DNAH3: variants seen among roughly 807,000 people sequenced by gnomAD.
The protein encoded by DNAH3 is dynein axonemal heavy chain 3.
DNAH3 carries 332 observed loss-of-function variants against 432.5 expected under a neutral mutation model. The ratio of observed to expected loss-of-function variants is 0.77; its 90% CI spans 0.70 to 0.84. DNAH3 has a LOEUF of 0.84. DNAH3 is among the 40% of genes least tolerant of loss of function. The probability of loss-of-function intolerance (pLI) is 0.00; values close to 1 mark genes in which losing one functional copy is unlikely to be tolerated. For synonymous variants in DNAH3, 1,956 were observed against 1,900.2 expected (o/e 1.03, Z -0.76); for missense variants, 4,861 against 5,114.0 (o/e 0.95, Z 1.51).
At chr16:21,078,275 C>CAAAAAAAAAAAAAAAAA (rs1202846920) in intron 20 of DNAH3, among the ~76,000 whole-genome samples, 1 of 83,868 alleles carries the variant, frequency 1.2e-5, no homozygotes, top group Non-Finnish European at 2.3e-5. Context: ...AATTCCGTCT[C>CAAAAAAAAAAAAAAAAA]AAAAAAAAAA....
At chr16:21,119,289 G>A (rs2092280923) in intron 11 of DNAH3, among the ~76,000 whole-genome samples, 1 of 152,160 alleles carries the variant, frequency 6.6e-6, no homozygotes, top group Admixed American at 6.6e-5. Context: ...CTTTCAATGT[G>A]GTGGATTCTC....
At chr16:21,106,456 G>A (rs1347883666) in intron 15 of DNAH3, 34 bp downstream of exon 15, 22 of 1,504,808 alleles carry the variant, frequency 1.5e-5, no homozygotes, top group Admixed American at 1.8e-5. Flanking sequence ...ATATAGGTAT[G>A]CATTTCGATG....
At chr16:21,118,872 G>A (rs1178993993) in intron 11 of DNAH3, among the ~76,000 whole-genome samples, 1 of 152,182 alleles carries the variant, frequency 6.6e-6, no homozygotes, top group Non-Finnish European at 1.5e-5. Flanking sequence ...TCCTGCCTGG[G>A]ACCCATTGTC....
chr16:21,141,790 C>T (rs757905757), intron 3 of DNAH3, among the ~76,000 whole-genome samples: 1 of 152,234 alleles, frequency 6.6e-6, no homozygotes, highest in Non-Finnish European at 1.5e-5. Flanking sequence ...GTGGCTCATG[C>T]CTGTAATCCC....
chr16:21,131,709 C>T (rs2152821276), intron 7 of DNAH3, among the ~76,000 whole-genome samples: 1 of 151,866 alleles, frequency 6.6e-6, no homozygotes, highest in South Asian at 2.1e-4. Context: ...AAAAAATTAG[C>T]CAGGCATGGT....
chr16:20,978,512 G>C (rs1279028245), intron 50 of DNAH3, among the ~76,000 whole-genome samples: 1 of 152,140 alleles, frequency 6.6e-6, no homozygotes, highest in African/African-American at 2.4e-5. Context: ...CTCAGTAAGA[G>C]AGAGATTGCG....
chr16:20,940,712 G>C (rs531371999), intron 59 of DNAH3, among the ~76,000 whole-genome samples: 1 of 151,778 alleles, frequency 6.6e-6, no homozygotes, highest in Non-Finnish European at 1.5e-5. Flanking sequence ...AATTACAGGC[G>C]TTAGCCACTG....
rs371346889 is a variant in DNAH3 at position 20,963,257 on chromosome 16, G to A, written c.10600+27C>T. The A allele has an allele frequency of 2.1e-5, 33 of 1,598,688 alleles. No individual in the cohort carries two copies. The African/African-American group carries it at 2.1e-4, about 10-fold the overall frequency. On this transcript the variant is annotated intron_variant, in intron 53 of 61. Transcript: ENST00000261383. Reference sequence around the variant, plus strand: ...CACCCACACATACTGGGCTTTCCACGTCTCTCCCACAACACTCTGTTCTTA... The same window carrying A: ...CACCCACACATACTGGGCTTTCCACATCTCTCCCACAACACTCTGTTCTTA...
chr16:20,963,873 C>T (rs367808003), exon 53 of DNAH3: 53 of 1,613,984 alleles, frequency 3.3e-5, no homozygotes, highest in South Asian at 9.9e-5. Context: ...CCTCGCTCTT[C>T]GTGCTGTGGG....
exon 32 of DNAH3, chr16:21,042,070 T>C (rs753411292): frequency 6.2e-7 from 1 of 1,613,166 alleles, no homozygotes; most frequent in African/African-American, 1.3e-5. Context: ...ATACCCGGGG[T>C]TCATGGTGAT....
At chr16:21,063,285 A>T (rs141051423) in intron 24 of DNAH3, among the ~76,000 whole-genome samples, 2 of 151,962 alleles carry the variant, frequency 1.3e-5, no homozygotes, top group Non-Finnish European at 2.9e-5. Flanking sequence ...GTATTTTTTT[A>T]AATTTCAGGT....
intron 41 of DNAH3, among the ~76,000 whole-genome samples, chr16:21,005,318 C>CCCTCCCTT (rs1173589932): frequency 3.2e-4 from 45 of 140,832 alleles, no homozygotes; most frequent in African/African-American, 1.1e-3. Flanking sequence ...TTCCCTCCCT[C>CCCTCCCTT]CCTCCCTTCC....
At chr16:20,967,756 T>G (rs896167073) in intron 52 of DNAH3, among the ~76,000 whole-genome samples, 1 of 151,650 alleles carries the variant, frequency 6.6e-6, no homozygotes, top group Non-Finnish European at 1.5e-5. Context: ...GATCCTCCCA[T>G]CTTGGCCTCC....
intron 51 of DNAH3, among the ~76,000 whole-genome samples, chr16:20,971,793 A>G (rs2085354526): frequency 6.6e-6 from 1 of 152,242 alleles, no homozygotes; most frequent in South Asian, 2.1e-4. Flanking sequence ...CCACATGTGG[A>G]AAGGGGCTAG....
intron 54 of DNAH3, among the ~76,000 whole-genome samples, chr16:20,958,828 T>A (rs1210783052): frequency 6.6e-6 from 1 of 152,170 alleles, no homozygotes; most frequent in African/African-American, 2.4e-5. Flanking sequence ...AGTGCAGTGA[T>A]ACGATCCCTG....
At chr16:20,988,358 C>T (rs886892397) in intron 44 of DNAH3, among the ~76,000 whole-genome samples, 4 of 152,190 alleles carry the variant, frequency 2.6e-5, no homozygotes, top group Non-Finnish European at 4.4e-5. Flanking sequence ...CTCCATACTG[C>T]GGAAGTTCTA....
At chr16:21,051,908 T>TG in intron 28 of DNAH3, 40 bp from the exon 29 acceptor site, 1 of 1,560,652 alleles carries the variant, frequency 6.4e-7, no homozygotes, top group Non-Finnish European at 8.8e-7. Flanking sequence ...CACAGAGCCA[T>TG]CAGAACTCTC....
At chr16:20,964,550 T>C in exon 53 of DNAH3, 7 of 1,614,204 alleles carry the variant, frequency 4.3e-6, no homozygotes, top group Non-Finnish European at 5.1e-6. Context: ...AGCATCCTCA[T>C]GTAGTTGCTA....
intron 44 of DNAH3, among the ~76,000 whole-genome samples, chr16:20,988,531 C>T (rs192746773): frequency 6.6e-6 from 1 of 152,356 alleles, no homozygotes; most frequent in African/African-American, 2.4e-5. Flanking sequence ...TCTCCAGCCT[C>T]AGCCTCCAGA....
Sources: allele counts gnomAD v4.1 joint callset (sites outside exome capture counted in the v4.1 genomes callset), GRCh38; gene constraint gnomAD v4.1.1; transcripts MANE v1.5; gene names NCBI Gene and HGNC (gene_info 2026-07-23, HGNC 2026-07-21).